RECQL: variants seen among roughly 807,000 people sequenced by gnomAD.
The protein encoded by RECQL is RecQ like helicase.
Under a neutral mutation model 75.8 loss-of-function variants are expected in RECQL, and 73 were observed. The ratio of observed to expected loss-of-function variants is 0.96; its 90% CI spans 0.80 to 1.17. The LOEUF (loss-of-function observed/expected upper bound fraction) is 1.17. RECQL is among the 50% of genes most tolerant of loss of function. RECQL has a pLI of 0.00. For synonymous variants in RECQL, 248 were observed against 254.4 expected (o/e 0.97, Z 0.24); for missense variants, 699 against 772.1 (o/e 0.91, Z 1.12).
chr12:21,475,015 A>T (rs777591588), intron 10 of RECQL, 36 bp from the exon 11 acceptor site: 28 of 1,592,470 alleles, frequency 1.8e-5, no homozygotes, highest in Non-Finnish European at 2.3e-5. Context: ...GCAGAATTAC[A>T]TTTACAAATT....
In RECQL at chr12:21,491,714, G is replaced by C. The variant is rs1205401257; in HGVS notation, c.19C>G (p.Leu7Val). The stretch of plus-strand genomic sequence containing the variant: ...GTTATAGAATCCAGTTCCTCAGTTA[G>C]AGCTATGGGAGGCAGCGCGGATACA... Reference protein sequence around the residue: MASVSALTEELDSITSE... With the variant: MASVSAVTEELDSITSE... Residue 7 changes from leucine to valine, a missense_variant and splice_region_variant, in exon 3 of 15, where the codon CTA becomes GTA. By Grantham distance (32) the Leu-to-Val change is conservative (BLOSUM62 1). This residue lies in a region of RECQL where 669 missense variants were observed against 713.5 expected (regional missense o/e 0.94). Transcript: ENST00000444129. 3 of 1,607,620 alleles carry C rather than the reference G, an allele frequency of 1.9e-6. No individual in the cohort carries two copies. Among genetic ancestry groups the C allele is most frequent in the Admixed American group, 1.7e-5 (1 of 58,648 alleles).
At chr12:21,470,814 A>C in intron 14 of RECQL, 155 bp downstream of exon 14, 1 of 485,436 alleles carries the variant, frequency 2.1e-6, no homozygotes, top group Non-Finnish European at 3.3e-6. Context: ...TCTTTACAGA[A>C]AACTATATTT....
chr12:21,496,973 T>C (rs969780606), intron 2 of RECQL, among the ~76,000 whole-genome samples: 6 of 152,252 alleles, frequency 3.9e-5, no homozygotes, highest in East Asian at 1.9e-4. Context: ...CTTTGGCCTA[T>C]AGATGAGTCA....
At chr12:21,479,733 C>T (rs1943157448) in intron 6 of RECQL, among the ~76,000 whole-genome samples, 1 of 152,018 alleles carries the variant, frequency 6.6e-6, no homozygotes, top group Non-Finnish European at 1.5e-5. Context: ...ATAGACAAAA[C>T]ACTGAAGGAA....
chr12:21,492,898 A>G (rs1943440119), intron 2 of RECQL, among the ~76,000 whole-genome samples: 1 of 152,108 alleles, frequency 6.6e-6, no homozygotes, highest in Admixed American at 6.6e-5. Context: ...ATGAATTTCA[A>G]CTTATCCTTG....
intron 2 of RECQL, 144 bp from the exon 3 acceptor site, chr12:21,491,860 A>T: frequency 1.4e-6 from 1 of 737,030 alleles, no homozygotes; most frequent in African/African-American, 1.8e-5. Context: ...CATGTTTTTG[A>T]GTCATATAGA....
intron 2 of RECQL, among the ~76,000 whole-genome samples, chr12:21,494,001 T>C (rs554570648): frequency 9.8e-5 from 15 of 152,330 alleles, no homozygotes; most frequent in Admixed American, 9.1e-4. Context: ...AAGAAGTTTA[T>C]TTTGCTTATG....
chr12:21,474,730 G>T, intron 11 of RECQL, 111 bp downstream of exon 11: 1 of 1,011,842 alleles, frequency 9.9e-7, no homozygotes, highest in South Asian at 1.5e-5. Context: ...TGCTTTTATG[G>T]ATCTGCACTT....
chr12:21,499,773 G>C (rs545977484), intron 1 of RECQL, among the ~76,000 whole-genome samples, 158 bp from the exon 2 acceptor site: 28 of 152,242 alleles, frequency 1.8e-4, no homozygotes, highest in African/African-American at 6.3e-4. Flanking sequence ...TGGTTCTTTT[G>C]ACACTAATTT....
chr12:21,493,899 C>G (rs1325805158), intron 2 of RECQL, among the ~76,000 whole-genome samples: 1 of 152,200 alleles, frequency 6.6e-6, no homozygotes, highest in Non-Finnish European at 1.5e-5. Flanking sequence ...ACCAAAAGAG[C>G]TGCATGTGCC....
chr12:21,483,346 C>T, intron 6 of RECQL, 30 bp downstream of exon 6: 1 of 1,525,028 alleles, frequency 6.6e-7, no homozygotes, highest in Non-Finnish European at 9.0e-7. Context: ...TCTATGACAT[C>T]AAAAAGTTTT....
At chr12:21,490,868 AG>A (rs916856295) in intron 3 of RECQL, among the ~76,000 whole-genome samples, 2 of 152,180 alleles carry the variant, frequency 1.3e-5, no homozygotes, top group African/African-American at 4.8e-5. Flanking sequence ...ACAAAAAAAA[AG>A]TAACAAATGT....
Position 21,490,332 on chromosome 12 carries a change from A to C in RECQL, c.261T>G (p.Phe87Leu). 1 of 1,612,938 alleles carries C rather than the reference A, an allele frequency of 6.2e-7. No homozygotes were observed. The highest frequency in any genetic ancestry group is 8.5e-7 in the Non-Finnish European group (1 of 1,179,214). The change falls in exon 4 of 15, where the codon TTT (phenylalanine) becomes TTG (leucine). Residue 87 changes from phenylalanine (F) to leucine (L), a missense_variant. Coordinates refer to ENST00000444129, the MANE Select transcript of RECQL (RefSeq NM_002907.4). ...GAAGTGGTCTGAACTTTTCCAGTTTAAAGACATTTTGCAGAATATCTTTAA... is the reference window on the plus strand; with the variant it reads ...GAAGTGGTCTGAACTTTTCCAGTTTCAAGACATTTTGCAGAATATCTTTAA... ...GKVKDILQNV[F>L]KLEKFRPLQL...
At chr12:21,494,757 C>T (rs1943473730) in intron 2 of RECQL, among the ~76,000 whole-genome samples, 2 of 152,186 alleles carry the variant, frequency 1.3e-5, no homozygotes, top group Admixed American at 6.5e-5. Flanking sequence ...AAAATACAGT[C>T]ATGAGCAGAG....
chr12:21,475,863 A>G (rs746002189), intron 8 of RECQL, 39 bp from the exon 9 acceptor site: 1 of 1,515,894 alleles, frequency 6.6e-7, no homozygotes, highest in South Asian at 1.1e-5. Flanking sequence ...TAGATATGGC[A>G]TATTCCTGGA....
chr12:21,480,528 T>A (rs78443623), intron 6 of RECQL, among the ~76,000 whole-genome samples: 2 of 152,052 alleles, frequency 1.3e-5, no homozygotes. Flanking sequence ...ATTTTTTTTT[T>A]GTCATCTCTA....
chr12:21,485,838 C>A (rs1035050356), intron 5 of RECQL, among the ~76,000 whole-genome samples: 2 of 152,072 alleles, frequency 1.3e-5, no homozygotes, highest in African/African-American at 4.8e-5. Context: ...GCTATTCTCT[C>A]TCCTTTTGAA....
intron 6 of RECQL, among the ~76,000 whole-genome samples, chr12:21,482,653 G>A (rs974545764): frequency 1.3e-5 from 2 of 152,194 alleles, no homozygotes; most frequent in Non-Finnish European, 2.9e-5. Context: ...ACAGCACAGT[G>A]TCTGGACGGG....
chr12:21,476,655 AG>A (rs1189286607), intron 8 of RECQL, among the ~76,000 whole-genome samples: 1 of 152,166 alleles, frequency 6.6e-6, no homozygotes, highest in East Asian at 1.9e-4. Flanking sequence ...TTAAGTCATC[AG>A]GTCTATTCTA....
Sources: allele counts gnomAD v4.1 joint callset (sites outside exome capture counted in the v4.1 genomes callset), GRCh38; gene constraint gnomAD v4.1.1; regional missense constraint gnomAD v4.1.1; transcripts MANE v1.5; gene names NCBI Gene and HGNC (gene_info 2026-07-23, HGNC 2026-07-21).